The following CYREN variants were observed in gnomAD, a reference collection of about 807,000 sequenced individuals.
CYREN encodes cell cycle regulator of non-homologous end joining.
CYREN carries 7 observed loss-of-function variants against 9.7 expected under a neutral mutation model. That is an observed-to-expected ratio of 0.72 (90% CI 0.41 to 1.36). The LOEUF (loss-of-function observed/expected upper bound fraction) is 1.36. CYREN is among the 40% of genes most tolerant of loss of function. CYREN has a pLI of 0.01. For synonymous variants in CYREN, 76 were observed against 77.9 expected (o/e 0.98, Z 0.13); for missense variants, 215 against 198.1 (o/e 1.09, Z -0.51).
At chr7:135,092,716 G>A (rs1452940835) in exon 3 of CYREN, 3 of 151,846 alleles carry the variant, frequency 2.0e-5, no homozygotes, top group Non-Finnish European at 4.4e-5. Context: ...AGATTTCAGG[G>A]GCCAAATAAA....
chr7:135,094,084 C>T (rs2116937941), exon 3 of CYREN: 3 of 279,080 alleles, frequency 1.1e-5, no homozygotes, highest in South Asian at 6.8e-5. Flanking sequence ...TTATACCATA[C>T]ACTAAAAATA....
At chr7:135,147,359 G>T (rs1014134151) in intron 2 of CYREN, among the ~76,000 whole-genome samples, 1 of 152,162 alleles carries the variant, frequency 6.6e-6, no homozygotes, top group African/African-American at 2.4e-5. Flanking sequence ...TGGAGGAAGG[G>T]CAAGGAAGCA....
rs1316677367 is a variant in CYREN at position 135,168,841 on chromosome 7, G to A, written c.82C>T (p.Pro28Ser). The A allele has an allele frequency of 6.2e-7, 1 of 1,613,952 alleles. No individual in the cohort carries two copies. Among genetic ancestry groups the A allele is most frequent in the African/African-American group, 1.3e-5 (1 of 74,934 alleles). Reference sequence around the variant, plus strand: ...CTCATCCTCTTGGGGGCCTTCATTGGTGCCACATTCTTTGTAGCCACCTGG... The same window carrying A: ...CTCATCCTCTTGGGGGCCTTCATTGATGCCACATTCTTTGTAGCCACCTGG... The part of the protein sequence containing the change: ...TAQVATKNVA[P>S]MKAPKRMRMA... The change falls in exon 2 of 4, where the codon CCA becomes TCA. Residue 28 changes from proline (P) to serine (S), a missense_variant. Physicochemically the swap from Pro to Ser is moderately conservative, Grantham distance 74. Transcript: ENST00000393114.
intron 2 of CYREN, chr7:135,094,644 G>A (rs1383609345): frequency 2.4e-6 from 1 of 412,508 alleles, no homozygotes; most frequent in Non-Finnish European, 4.8e-6. Flanking sequence ...TCCGTAACAA[G>A]GGCCTACTCT....
At chr7:135,134,991 A>G in intron 2 of CYREN, 1 of 1,551,176 alleles carries the variant, frequency 6.4e-7, no homozygotes, top group Non-Finnish European at 8.7e-7. Flanking sequence ...AAAGTTTATC[A>G]CCTCTCAAAG....
intron 2 of CYREN, among the ~76,000 whole-genome samples, chr7:135,109,172 T>C (rs1344874436): frequency 6.6e-6 from 1 of 152,254 alleles, no homozygotes; most frequent in African/African-American, 2.4e-5. Flanking sequence ...ATATTCTGAA[T>C]TCTATTTCTG....
chr7:135,093,559 A>C (rs1822185888), exon 3 of CYREN: 1 of 152,224 alleles, frequency 6.6e-6, no homozygotes, highest in Non-Finnish European at 1.5e-5. Flanking sequence ...CAAAAGAAGT[A>C]CAAGACTTAT....
In CYREN at chr7:135,117,877, C is replaced by T. The variant is rs1040539326; in HGVS notation, n.357-23295G>A. Among the ~76,000 whole-genome samples the T allele has an allele frequency of 2.0e-5, 3 of 152,172 alleles. No homozygotes were observed. In the East Asian group the frequency reaches 5.8e-4, roughly 29 times the overall value. On this transcript the variant is annotated intron_variant and non_coding_transcript_variant, in intron 2 of 2. Coordinates refer to the CYREN transcript ENST00000459937. ...TAATTATGTGACCTCTACCCACTGG[C>T]ATGGTTGCCAATCAGATTATCTTTC...
intron 2 of CYREN, among the ~76,000 whole-genome samples, chr7:135,122,897 G>T (rs184450297): frequency 1.3e-5 from 2 of 152,052 alleles, no homozygotes. Flanking sequence ...AAGGATCAGC[G>T]CCTCAAAGAT....
In CYREN at chr7:135,141,633, G is replaced by A. The variant is rs187059356; in HGVS notation, n.356+27116C>T. ...CACTCCTGTTTTTCTAGTTCTTCTA[G>A]GTGTGGTGTTAGATTGTAAATGTGA... is the stretch of plus-strand genomic sequence containing the variant. On this transcript the variant is annotated intron_variant and non_coding_transcript_variant, in intron 2 of 2. Transcript: ENST00000459937. Among the ~76,000 whole-genome samples the A allele has an allele frequency of 1.7e-3, 259 of 152,030 alleles. 2 individuals carry two copies. The highest frequency in any genetic ancestry group is 6.2e-3 in the African/African-American group (256 of 41,476).
intron 2 of CYREN, among the ~76,000 whole-genome samples, chr7:135,159,716 G>A (rs1301445683): frequency 6.6e-6 from 1 of 152,148 alleles, no homozygotes; most frequent in Non-Finnish European, 1.5e-5. Flanking sequence ...AACAAAAACT[G>A]AAACTCAAAA....
downstream of CYREN, chr7:135,164,281 T>C (rs2117474572): frequency 1.5e-6 from 1 of 657,844 alleles, no homozygotes; most frequent in East Asian, 2.7e-5. Context: ...CTCAGACTTC[T>C]GGTCCTTGGT....
chr7:135,095,441 T>C (rs1161900473), intron 2 of CYREN, among the ~76,000 whole-genome samples: 1 of 152,146 alleles, frequency 6.6e-6, no homozygotes, highest in Non-Finnish European at 1.5e-5. Flanking sequence ...CTAGAGGAAT[T>C]CCAAGCCTTT....
At chr7:135,103,322 A>G (rs1207084797) in intron 2 of CYREN, among the ~76,000 whole-genome samples, 2 of 152,136 alleles carry the variant, frequency 1.3e-5, no homozygotes, top group Non-Finnish European at 2.9e-5. Flanking sequence ...AGTTCCTTAT[A>G]CTAGTCTCTC....
intron 2 of CYREN, among the ~76,000 whole-genome samples, chr7:135,095,322 TATA>T (rs1303541543): frequency 2.0e-5 from 3 of 152,116 alleles, no homozygotes; most frequent in African/African-American, 7.2e-5. Flanking sequence ...ATGACTCCAG[TATA>T]ATAACAGTGG....
chr7:135,118,110 T>C (rs1826586399), intron 2 of CYREN, among the ~76,000 whole-genome samples: 1 of 152,158 alleles, frequency 6.6e-6, no homozygotes, highest in South Asian at 2.1e-4. Flanking sequence ...TCCCTCTGTT[T>C]CCATGAGTAG....
intron 2 of CYREN, among the ~76,000 whole-genome samples, chr7:135,133,090 CACACACACAA>C (rs908936663): frequency 1.6e-5 from 2 of 124,666 alleles, no homozygotes; most frequent in South Asian, 6.0e-4. Flanking sequence ...CACACACACA[CACACACACAA>C]CCTTTAGAAT....
chr7:135,106,579 G>A (rs1292128608), intron 2 of CYREN, among the ~76,000 whole-genome samples: 1 of 152,198 alleles, frequency 6.6e-6, no homozygotes, highest in Middle Eastern at 3.2e-3. Context: ...GATCATGGTG[G>A]ATTAGCTTTT....
Position 135,165,857 on chromosome 7 carries a change from T to C in CYREN, c.*754A>G, listed in dbSNP as rs1830097387. 6.0e-6 allele frequency: 1 copy of C among 167,152 alleles called. No homozygotes were observed. Among genetic ancestry groups the C allele is most frequent in the Non-Finnish European group, 1.5e-5 (1 of 68,138 alleles). 10.4% of individuals were successfully genotyped at this position (167,152 alleles called of 1,614,324 possible). On this transcript the variant is annotated 3_prime_UTR_variant, in exon 4 of 4. Transcript: ENST00000393114. ...TGTATGGCAGTGATTTATTCATATA[T>C]TCCTGTCCAAAGCCACACTGAAAAC...
Sources: gnomAD v4.1 joint callset for allele counts (sites outside exome capture counted in the v4.1 genomes callset) on GRCh38, gnomAD v4.1.1 for gene constraint, MANE v1.5 for transcripts, NCBI Gene and HGNC (gene_info 2026-07-23, HGNC 2026-07-21) for gene names.